MTRR: variants seen among roughly 807,000 people sequenced by gnomAD.
MTRR encodes methionine synthase reductase.
Under a neutral mutation model 79.2 loss-of-function variants are expected in MTRR, and 63 were observed. The ratio of observed to expected loss-of-function variants is 0.80; its 90% confidence interval spans 0.65 to 0.98. MTRR has a LOEUF of 0.98. Among genes scored for constraint, MTRR ranks in the 50% least tolerant of loss-of-function variants. MTRR has a pLI of 0.00. For synonymous variants in MTRR, 355 were observed against 313.3 expected (o/e 1.13, Z -1.41); for missense variants, 895 against 839.6 (o/e 1.07, Z -0.82).
At position 7,873,370 on chromosome 5, in the gene MTRR, T is replaced by C; in HGVS notation, c.130-3T>C. On this transcript the variant is annotated splice_region_variant and splice_polypyrimidine_tract_variant and intron_variant, in intron 2 of 14. Transcript: ENST00000440940. The stretch of plus-strand genomic sequence containing the variant: ...TCCCTGACTTGATATCCTTGTTTTG[T>C]AGTATGACCTAAAAACCGAAACAGC... 6.2e-7 allele frequency: 1 copy of C among 1,614,184 alleles called. No homozygotes were observed. The highest frequency in any genetic ancestry group is 8.5e-7 in the Non-Finnish European group (1 of 1,180,020).
upstream of MTRR, among the ~76,000 whole-genome samples, chr5:7,868,458 C>G (rs1037680300): frequency 2.0e-5 from 3 of 152,162 alleles, no homozygotes; most frequent in South Asian, 2.1e-4. Flanking sequence ...AGGGTTCAAA[C>G]TCAGGCAATG....
chr5:7,889,152 C>T lies in MTRR; in HGVS notation c.1204C>T (p.Gln402Ter), dbSNP rs201819933. The change falls in exon 9 of 15, where the codon CAG becomes TAG. Residue 402 changes from glutamine (Q) to a stop codon, truncating the protein, a stop_gained. Coordinates refer to ENST00000440940, the MANE Select transcript of MTRR (RefSeq NM_002454.3). LOFTEE classifies it high-confidence loss of function. ...TGACAGTGCTGAAAAGCGCAGGCTA[C>T]AGGAGCTGTGCAGTAAACAAGGGGC... is the stretch of plus-strand genomic sequence containing the variant. ...TSDSAEKRRL[Q>*]ELCSKQGAAD... 1.2e-6 allele frequency: 2 copies of T among 1,614,124 alleles called. No individual in the cohort carries two copies. Among genetic ancestry groups the T allele is most frequent in the Non-Finnish European group, 8.5e-7 (1 of 1,180,030 alleles).
At chr5:7,873,260 C>T in intron 2 of MTRR, 113 bp from the exon 3 acceptor site, 2 of 1,398,338 alleles carry the variant, frequency 1.4e-6, no homozygotes, top group African/African-American at 1.4e-5. Flanking sequence ...AAAAAACTGG[C>T]AAGGAAGAAG....
At chr5:7,876,353 A>G (rs1734565546) in intron 4 of MTRR, among the ~76,000 whole-genome samples, 1 of 152,192 alleles carries the variant, frequency 6.6e-6, no homozygotes, top group South Asian at 2.1e-4. Context: ...CCAGAAGCTC[A>G]TTGACATTAA....
chr5:7,875,422 A>G (rs1259648212), intron 4 of MTRR, 47 bp downstream of exon 4: 1 of 1,404,326 alleles, frequency 7.1e-7, no homozygotes, highest in Admixed American at 1.7e-5. Context: ...TCTATACATG[A>G]TGGAAGTTGA....
chr5:7,883,469 CAT>C (rs1735911655), intron 6 of MTRR, among the ~76,000 whole-genome samples, 192 bp downstream of exon 6: 4 of 125,754 alleles, frequency 3.2e-5, no homozygotes, highest in African/African-American at 1.2e-4. Flanking sequence ...TGCTTGGTTA[CAT>C]ATGCTGAGTT....
chr5:7,863,538 A>G (rs889621344), intron 2 of MTRR, among the ~76,000 whole-genome samples: 1 of 152,220 alleles, frequency 6.6e-6, no homozygotes, highest in African/African-American at 2.4e-5. Context: ...AAATATAATG[A>G]GAATATTTTA....
chr5:7,892,553 G>A (rs943317639), intron 10 of MTRR, among the ~76,000 whole-genome samples, 174 bp from the exon 11 acceptor site: 2 of 152,206 alleles, frequency 1.3e-5, no homozygotes, highest in Non-Finnish European at 2.9e-5. Context: ...GTGTGAGAGT[G>A]TGAAGGTTGG....
rs751657876 is a variant in MTRR at position 7,875,300 on chromosome 5, A to G, written c.326A>G (p.Lys109Arg). Reference sequence around the variant, plus strand: ...TACACCTACTTTTGCAATGGGGGGAAGATAATTGATAAACGACTTCAAGAG... The same window carrying G: ...TACACCTACTTTTGCAATGGGGGGAGGATAATTGATAAACGACTTCAAGAG... ...SEYTYFCNGG[K>R]IIDKRLQELG... Residue 109 changes from lysine to arginine, a missense_variant, in exon 4 of 15, where the codon AAG becomes AGG. Transcript: ENST00000440940. 3.7e-6 allele frequency: 6 copies of G among 1,613,918 alleles called. No individual in the cohort carries two copies. In the African/African-American group the frequency reaches 4.0e-5, roughly 11 times the overall value.
At chr5:7,875,090 T>A in intron 3 of MTRR, 168 bp from the exon 4 acceptor site, 2 of 627,656 alleles carry the variant, frequency 3.2e-6, no homozygotes, top group Non-Finnish European at 5.6e-6. Context: ...AGAAGAAAAC[T>A]GCCTACATGC....
At chr5:7,862,707 AG>A (rs1422896411) in intron 2 of MTRR, 3 of 871,312 alleles carry the variant, frequency 3.4e-6, no homozygotes, top group Non-Finnish European at 5.4e-6. Flanking sequence ...CCTTCAGGGA[AG>A]GGACCATTCC....
chr5:7,900,150 A>T lies in MTRR; in HGVS notation c.*92A>T. 2.0e-6 allele frequency: 3 copies of T among 1,474,892 alleles called. No homozygotes were observed. In the South Asian group the frequency reaches 3.7e-5, roughly 18 times the overall value. The allele number at this position is 1,474,892 out of a possible 1,614,324, so 91.4% of individuals were successfully genotyped here. A position where few individuals can be genotyped will look rare whatever the true frequency, so the allele number is the denominator to read the frequency against. On this transcript the variant is annotated 3_prime_UTR_variant, in exon 15 of 15. Coordinates refer to ENST00000440940, the MANE Select transcript of MTRR (RefSeq NM_002454.3). ...TGCCAAACCTTTAAATTTTCAAAAG[A>T]AAATTTTCTTTCAACATTTCTTGAA... is the stretch of plus-strand genomic sequence containing the variant.
intron 1 of MTRR, among the ~76,000 whole-genome samples, chr5:7,860,212 G>A (rs918078849): frequency 6.6e-6 from 1 of 152,202 alleles, no homozygotes; most frequent in African/African-American, 2.4e-5. Context: ...AGCTGGGGAT[G>A]TGCAAGATGG....
At chr5:7,850,921 C>G (rs775093113), upstream of MTRR, 5 of 1,360,658 alleles carry the variant, frequency 3.7e-6, no homozygotes, top group Admixed American at 1.4e-4. Context: ...GTCCAGGCGC[C>G]GCGGCGGGAT....
intron 2 of MTRR, 143 bp downstream of exon 2, chr5:7,871,066 A>G: frequency 1.0e-6 from 1 of 988,474 alleles, no homozygotes; most frequent in Non-Finnish European, 1.6e-6. Context: ...ATGGTATAGT[A>G]AGATATCACC....
chr5:7,862,926 C>T (rs1189222771), intron 2 of MTRR: 2 of 1,613,860 alleles, frequency 1.2e-6, no homozygotes, highest in South Asian at 2.2e-5. Flanking sequence ...GCTGAGAATC[C>T]ACAGGGGTCT....
At position 7,891,227 on chromosome 5, in the gene MTRR, TC is replaced by T. The variant is rs1737491914; in HGVS notation, c.1328-144del. ...GTAATATTTTACTTGAACACAAAGT[TC>T]AAGTGCTTAACTATGATTTAAAACT... is the stretch of plus-strand genomic sequence containing the variant. On this transcript the variant is annotated intron_variant, in intron 9 of 14. Coordinates refer to ENST00000440940, the MANE Select transcript of MTRR (RefSeq NM_002454.3). 11 of 609,188 alleles carry T rather than the reference TC, an allele frequency of 1.8e-5. No individual in the cohort carries two copies. The East Asian group carries it at 3.1e-4, about 17-fold the overall frequency. 37.7% of individuals were successfully genotyped at this position (609,188 alleles called of 1,614,324 possible).
intron 2 of MTRR, 54 bp downstream of exon 2, chr5:7,870,977 G>C: frequency 6.2e-7 from 1 of 1,609,072 alleles, no homozygotes; most frequent in Non-Finnish European, 8.5e-7. Flanking sequence ...AATTTTGGTT[G>C]GGAAGTGATA....
upstream of MTRR, chr5:7,867,976 T>A (rs775525968): frequency 3.7e-6 from 6 of 1,614,176 alleles, no homozygotes; most frequent in Middle Eastern, 1.6e-4. Context: ...GCTCCTTGAC[T>A]ACCTTGTGAA....
Sources: gnomAD v4.1 joint callset for allele counts (sites outside exome capture counted in the v4.1 genomes callset) on GRCh38, gnomAD v4.1.1 for gene constraint, MANE v1.5 for transcripts, NCBI Gene and HGNC (gene_info 2026-07-23, HGNC 2026-07-21) for gene names.